Variants in EEPD1 observed in about 807,000 individuals in gnomAD.
The protein encoded by EEPD1 is endonuclease/exonuclease/phosphatase family domain-containing protein 1.
A neutral mutation model predicts 46.3 loss-of-function variants in EEPD1; 17 were observed. The ratio of observed to expected loss-of-function variants is 0.37; its 90% CI spans 0.25 to 0.55. The LOEUF (loss-of-function observed/expected upper bound fraction) is 0.55, where lower values mean the gene tolerates loss of function less well. Among genes scored for constraint, EEPD1 ranks in the 20% least tolerant of loss-of-function variants. The probability of loss-of-function intolerance (pLI) is 0.83; values close to 1 mark genes in which losing one functional copy is unlikely to be tolerated. For missense variants in EEPD1, 673 were observed against 745.6 expected, an observed-to-expected ratio of 0.90 and a Z score of 1.13; for synonymous variants, 313 against 315.6, an observed-to-expected ratio of 0.99 and a Z score of 0.09.
rs543809080 is a variant in EEPD1, at chr7:36,282,245, G to A, written c.1041+1020G>A. Among the ~76,000 whole-genome samples, 12 of 152,158 alleles carry A rather than the reference G, an allele frequency of 7.9e-5. No individual in the cohort carries two copies. The South Asian group carries it at 8.3e-4, about 11-fold the overall frequency. On this transcript the variant is annotated intron_variant, in intron 4 of 7. Coordinates refer to ENST00000242108, the MANE Select transcript of EEPD1 (RefSeq NM_030636.3). ...ATAATACCACCTTCCTTTTTTGATC[G>A]CACTTTACATGTATGTAGGTGTCTG...
intron 2 of EEPD1, among the ~76,000 whole-genome samples, chr7:36,203,547 G>T (rs1310786538): frequency 6.6e-6 from 1 of 152,202 alleles, no homozygotes; most frequent in Non-Finnish European, 1.5e-5. Context: ...GTAATTAGCT[G>T]TTATGGAAAG....
chr7:36,218,713 C>A (rs1450620022), intron 2 of EEPD1, among the ~76,000 whole-genome samples: 2 of 152,150 alleles, frequency 1.3e-5, no homozygotes, highest in Non-Finnish European at 2.9e-5. Context: ...AGTGAAACTG[C>A]AGATATGGGG....
chr7:36,197,440 A>G (rs1785624800), intron 2 of EEPD1, among the ~76,000 whole-genome samples: 1 of 152,256 alleles, frequency 6.6e-6, no homozygotes, highest in Non-Finnish European at 1.5e-5. Flanking sequence ...AGAACGGGCC[A>G]TGATGACGAT....
intron 2 of EEPD1, among the ~76,000 whole-genome samples, chr7:36,219,802 AGAGAGTGTGTGT>A (rs1422897569): frequency 5.6e-4 from 38 of 67,296 alleles, no homozygotes; most frequent in South Asian, 1.3e-3. Flanking sequence ...AGAGAGAGAG[AGAGAGTGTGTGT>A]GTGTGTGTGT....
At chr7:36,292,384 CTT>C in intron 6 of EEPD1, among the ~76,000 whole-genome samples, 1 of 151,480 alleles carries the variant, frequency 6.6e-6, no homozygotes, top group South Asian at 2.1e-4. Context: ...GTTTTGTTTT[CTT>C]TTCTTTTCTT....
intron 3 of EEPD1, among the ~76,000 whole-genome samples, chr7:36,251,420 C>T (rs1268894367): frequency 6.6e-6 from 1 of 152,212 alleles, no homozygotes; most frequent in Non-Finnish European, 1.5e-5. Flanking sequence ...AAGCAATTCT[C>T]CTGCCTCAGC....
At chr7:36,226,316 G>C (rs1786230957) in intron 2 of EEPD1, among the ~76,000 whole-genome samples, 1 of 152,188 alleles carries the variant, frequency 6.6e-6, no homozygotes, top group South Asian at 2.1e-4. Flanking sequence ...ATTCCGAGAG[G>C]CTTATGAGGG....
At chr7:36,177,663 A>G (rs113315556) in intron 2 of EEPD1, among the ~76,000 whole-genome samples, 6,772 of 152,116 alleles carry the variant, frequency 0.045, 473 homozygotes, top group African/African-American at 0.15. Context: ...TTCGCTGTTC[A>G]TGGGCATCTA....
At chr7:36,194,035 G>T (rs963493136) in intron 2 of EEPD1, among the ~76,000 whole-genome samples, 1 of 152,160 alleles carries the variant, frequency 6.6e-6, no homozygotes, top group Non-Finnish European at 1.5e-5. Context: ...CATATTTTGC[G>T]TTCTTTTCAT....
At chr7:36,160,431 G>A (rs1211932921) in intron 2 of EEPD1, among the ~76,000 whole-genome samples, 3 of 151,980 alleles carry the variant, frequency 2.0e-5, no homozygotes, top group South Asian at 2.1e-4. Flanking sequence ...AGCCAGGCAC[G>A]GAAGAAGCCA....
intron 2 of EEPD1, among the ~76,000 whole-genome samples, chr7:36,171,594 G>C (rs561381372): frequency 1.8e-4 from 28 of 152,304 alleles, no homozygotes; most frequent in African/African-American, 6.3e-4. Context: ...ATGTCTGTAC[G>C]TGTCTCCACC....
chr7:36,274,488 T>C (rs1055568073), intron 3 of EEPD1, among the ~76,000 whole-genome samples: 3 of 152,246 alleles, frequency 2.0e-5, no homozygotes, highest in Non-Finnish European at 2.9e-5. Flanking sequence ...GGTTAATATT[T>C]AGTTTATACT....
At chr7:36,248,954 G>A (rs2115805137) in intron 3 of EEPD1, among the ~76,000 whole-genome samples, 2 of 148,046 alleles carry the variant, frequency 1.4e-5, no homozygotes, top group Non-Finnish European at 3.0e-5. Context: ...CGGAAAGTGG[G>A]CATTTTAGTT....
intron 2 of EEPD1, among the ~76,000 whole-genome samples, chr7:36,158,478 G>A (rs1784857018): frequency 6.6e-6 from 1 of 152,212 alleles, no homozygotes; most frequent in South Asian, 2.1e-4. Context: ...AAGGGTAGCT[G>A]TATGGGATGG....
chr7:36,291,051 A>G (rs1787422852), intron 6 of EEPD1, among the ~76,000 whole-genome samples: 1 of 152,228 alleles, frequency 6.6e-6, no homozygotes, highest in Non-Finnish European at 1.5e-5. Context: ...CTGAAGCTAC[A>G]CAGAGCTGGC....
In EEPD1 at chr7:36,281,209, C is replaced by T. The variant is rs770290299; in HGVS notation, c.1025C>T (p.Ser342Leu). The change falls in exon 4 of 8, where the codon TCG (serine) becomes TTG (leucine). Residue 342 changes from serine to leucine, a missense_variant. Transcript: ENST00000242108. ...AAGGCTGTTGTTGCTGAGAAGCCCT[C>T]GAGTCAGCTCCAGAAGGTACCCTCG... Reference protein sequence around the residue: ...CWKAVVAEKPSSQLQKGAGYA... With the variant: ...CWKAVVAEKPLSQLQKGAGYA... 43 of 1,614,128 alleles carry T rather than the reference C, an allele frequency of 2.7e-5. No homozygotes were observed. The highest frequency in any genetic ancestry group is 2.2e-4 in the East Asian group (10 of 44,866).
Position 36,177,007 on chromosome 7 carries a change from G to T in EEPD1, c.878+21805G>T, listed in dbSNP as rs548778703. Among the ~76,000 whole-genome samples, 4 of 152,328 alleles carry T rather than the reference G, an allele frequency of 2.6e-5. No individual in the cohort carries two copies. In the East Asian group the frequency reaches 7.7e-4, roughly 29 times the overall value. On this transcript the variant is annotated intron_variant, in intron 2 of 7. Transcript: ENST00000242108. ...TTTTAGAGACAGAAAGCGGATCTGT[G>T]GTTGGGGCCGGGGCTGGGAATAGGG...
chr7:36,195,962 C>T (rs759961680), intron 2 of EEPD1, among the ~76,000 whole-genome samples: 3 of 152,082 alleles, frequency 2.0e-5, no homozygotes, highest in Non-Finnish European at 4.4e-5. Context: ...TTTACACAAA[C>T]CCAGATTGTA....
chr7:36,286,389 A>T (rs1583479288), intron 5 of EEPD1, among the ~76,000 whole-genome samples: 1 of 152,192 alleles, frequency 6.6e-6, no homozygotes, highest in Admixed American at 6.5e-5. Flanking sequence ...GCAAACTGGG[A>T]CCACATCCGT....
Sources: gnomAD v4.1 joint callset for allele counts (sites outside exome capture counted in the v4.1 genomes callset) on GRCh38, gnomAD v4.1.1 for gene constraint, MANE v1.5 for transcripts, NCBI Gene and HGNC (gene_info 2026-07-23, HGNC 2026-07-21) for gene names.